The following DNER variants were observed in gnomAD, a reference collection of about 807,000 sequenced individuals.
The protein encoded by DNER is delta and Notch-like epidermal growth factor-related receptor.
A neutral mutation model predicts 78.2 loss-of-function variants in DNER; 33 were observed. The ratio of observed to expected loss-of-function variants is 0.42; its 90% CI spans 0.32 to 0.56. The LOEUF (loss-of-function observed/expected upper bound fraction) is 0.56. DNER is among the 20% of genes least tolerant of loss of function. The probability of loss-of-function intolerance (pLI) is 0.11; values close to 1 mark genes in which losing one functional copy is unlikely to be tolerated. For missense variants in DNER, 918 were observed against 975.3 expected (o/e 0.94, Z 0.78); for synonymous variants, 417 against 384.8 (o/e 1.08, Z -0.98).
intron 8 of DNER, among the ~76,000 whole-genome samples, chr2:229,431,216 T>C (rs1401711870): frequency 6.6e-6 from 1 of 152,160 alleles, no homozygotes; most frequent in African/African-American, 2.4e-5. Context: ...AAAATGAGCA[T>C]TCTCCCTCAA....
At chr2:229,506,243 T>TTCTTTACA (rs934729656) in intron 6 of DNER, among the ~76,000 whole-genome samples, 1 of 152,176 alleles carries the variant, frequency 6.6e-6, no homozygotes, top group Non-Finnish European at 1.5e-5. Flanking sequence ...AAACATGTCC[T>TTCTTTACA]TCTTTACATG....
chr2:229,654,203 G>T (rs181597379), intron 1 of DNER, among the ~76,000 whole-genome samples: 3 of 152,056 alleles, frequency 2.0e-5, no homozygotes, highest in African/African-American at 7.2e-5. Flanking sequence ...CTATGAGTGA[G>T]AACATATGGT....
chr2:229,686,824 C>T (rs542678117), intron 1 of DNER, among the ~76,000 whole-genome samples: 2 of 152,320 alleles, frequency 1.3e-5, no homozygotes, highest in South Asian at 4.1e-4. Flanking sequence ...TCCCATCAAA[C>T]CAACATGCTA....
chr2:229,586,723 G>A (rs1414481416), intron 3 of DNER: 2 of 985,070 alleles, frequency 2.0e-6, no homozygotes, highest in African/African-American at 3.5e-5. Context: ...TCTCCACCTT[G>A]GAAATGTGTT....
chr2:229,361,886 A>C (rs1413097027), intron 12 of DNER, among the ~76,000 whole-genome samples: 2 of 152,048 alleles, frequency 1.3e-5, no homozygotes, highest in Non-Finnish European at 2.9e-5. Context: ...CATTAATAAG[A>C]AAATGTTTCT....
At chr2:229,608,780 T>C (rs1319541853) in intron 1 of DNER, among the ~76,000 whole-genome samples, 1 of 152,294 alleles carries the variant, frequency 6.6e-6, no homozygotes, top group East Asian at 1.9e-4. Flanking sequence ...GCTTTAACTG[T>C]ATTTGCCTGT....
At position 229,477,250 on chromosome 2, in the gene DNER, T is replaced by C. The variant is rs559830886; in HGVS notation, c.1151A>G (p.Tyr384Cys). The C allele has an allele frequency of 1.2e-6, 2 of 1,606,604 alleles. No homozygotes were observed. The highest frequency in any genetic ancestry group is 2.2e-5 in the East Asian group (1 of 44,742). The change falls in exon 7 of 13, where the codon TAT becomes TGT. Residue 384 changes from tyrosine (Y) to cysteine (C), a missense_variant. Coordinates refer to ENST00000341772, the MANE Select transcript of DNER (RefSeq NM_139072.4). ...CTTGGACTGGCAAAGCTCTCCAGTA[T>C]AACCTGAATAAAACAAAATGTACAT... ...SNFTCVCLPG[Y>C]TGELCQSKID...
intron 10 of DNER, among the ~76,000 whole-genome samples, chr2:229,403,251 A>C (rs2106342294): frequency 6.6e-6 from 1 of 152,302 alleles, no homozygotes; most frequent in South Asian, 2.1e-4. Context: ...GAGCAGAAGC[A>C]CCATACTCCT....
At chr2:229,710,440 C>A (rs916536169) in intron 1 of DNER, among the ~76,000 whole-genome samples, 1 of 152,192 alleles carries the variant, frequency 6.6e-6, no homozygotes, top group Non-Finnish European at 1.5e-5. Flanking sequence ...GGGACAGTCA[C>A]TTCACTTTTC....
chr2:229,690,509 AT>A (rs1699552624), intron 1 of DNER, among the ~76,000 whole-genome samples: 2 of 152,186 alleles, frequency 1.3e-5, no homozygotes, highest in African/African-American at 4.8e-5. Context: ...TGGAACTAGC[AT>A]TTGATAAAAC....
In DNER at chr2:229,512,931, A is replaced by T. The variant is rs201917911; in HGVS notation, c.999T>A (p.Thr333=). The T allele has an allele frequency of 1.2e-6, 2 of 1,613,638 alleles. No individual in the cohort carries two copies. The highest frequency in any genetic ancestry group is 1.7e-6 in the Non-Finnish European group (2 of 1,179,902). The change falls in exon 6 of 13, where the codon ACT becomes ACA. Residue 333 remains threonine (T), a synonymous_variant. Coordinates refer to ENST00000341772, the MANE Select transcript of DNER (RefSeq NM_139072.4). ...ACTGCTCCTCACAGGTACAGGAAAAAGTTGCCTAAAACACAAAAAAAGCAC... is the reference window on the plus strand; with the variant it reads ...ACTGCTCCTCACAGGTACAGGAAAATGTTGCCTAAAACACAAAAAAAGCAC... ...GKCTTKPSEA[T]FSCTCEEQYV... is the part of the protein sequence containing the mutation.
At chr2:229,411,719 A>G (rs1264001810) in intron 9 of DNER, among the ~76,000 whole-genome samples, 1 of 152,232 alleles carries the variant, frequency 6.6e-6, no homozygotes, top group East Asian at 1.9e-4. Context: ...TGTAACAACA[A>G]AGCAATGGAT....
At chr2:229,674,908 T>C (rs900305449) in intron 1 of DNER, among the ~76,000 whole-genome samples, 3 of 152,194 alleles carry the variant, frequency 2.0e-5, no homozygotes, top group Non-Finnish European at 2.9e-5. Flanking sequence ...CATCACCTTG[T>C]GCTTACCAGG....
At chr2:229,436,058 G>C (rs1694114551) in intron 8 of DNER, among the ~76,000 whole-genome samples, 1 of 152,014 alleles carries the variant, frequency 6.6e-6, no homozygotes, top group African/African-American at 2.4e-5. Context: ...TCTCACCCAG[G>C]TAATAAGTAT....
At chr2:229,497,509 TG>T (rs1332441957) in intron 6 of DNER, among the ~76,000 whole-genome samples, 9 of 152,040 alleles carry the variant, frequency 5.9e-5, no homozygotes, top group Admixed American at 4.6e-4. Context: ...ACTAATCAGT[TG>T]TTTTTTTTAA....
chr2:229,468,763 A>G (rs889050394), intron 7 of DNER, among the ~76,000 whole-genome samples: 1 of 152,346 alleles, frequency 6.6e-6, no homozygotes, highest in Admixed American at 6.5e-5. Context: ...GGCAGTGGGC[A>G]GGGTGAACCC....
At chr2:229,478,778 G>A (rs564623984) in intron 6 of DNER, among the ~76,000 whole-genome samples, 5 of 151,810 alleles carry the variant, frequency 3.3e-5, no homozygotes, top group Non-Finnish European at 5.9e-5. Context: ...TGAGGTTAGT[G>A]TTATTAGAAT....
chr2:229,638,505 G>GA (rs1406208676), intron 1 of DNER, among the ~76,000 whole-genome samples: 3 of 152,176 alleles, frequency 2.0e-5, no homozygotes, highest in African/African-American at 7.2e-5. Context: ...ATACCCGTAT[G>GA]AAAAACATTC....
intron 1 of DNER, among the ~76,000 whole-genome samples, chr2:229,623,771 T>A (rs887554950): frequency 4.6e-5 from 7 of 152,210 alleles, no homozygotes; most frequent in African/African-American, 1.7e-4. Context: ...CTGGTCCCAC[T>A]GCAGTGGGTG....
Sources: gnomAD v4.1 joint callset for allele counts (sites outside exome capture counted in the v4.1 genomes callset) on GRCh38, gnomAD v4.1.1 for gene constraint, MANE v1.5 for transcripts, NCBI Gene and HGNC (gene_info 2026-07-23, HGNC 2026-07-21) for gene names.